TBC1D26: variants seen among roughly 807,000 people sequenced by gnomAD.
TBC1D26 encodes the protein TBC1 domain family, member 26.
A neutral mutation model predicts 42.5 loss-of-function variants in TBC1D26; 19 were observed. That is an observed-to-expected ratio of 0.45 (90% CI 0.31 to 0.66). The LOEUF is 0.66. TBC1D26 is among the 30% of genes least tolerant of loss of function. The pLI is 0.06. For missense variants in TBC1D26, 228 were observed against 332.6 expected (o/e 0.69, Z 2.45); for synonymous variants, 97 against 123.5 (o/e 0.79, Z 1.42).
In TBC1D26 at chr17:15,740,916, A is replaced by G; in HGVS notation, c.547-206A>G. The G allele has an allele frequency of 4.4e-6, 3 of 684,944 alleles. No homozygotes were observed. The South Asian group carries it at 5.7e-5, about 13-fold the overall frequency. 42.4% of individuals were successfully genotyped at this position (684,944 alleles called of 1,614,324 possible). Reference sequence around the variant, plus strand: ...GGACACTTGCTGCAGGAGTCCCCCCATGCTCCTTGTCAACTGAGTTGTGCG... The same window carrying G: ...GGACACTTGCTGCAGGAGTCCCCCCGTGCTCCTTGTCAACTGAGTTGTGCG... On this transcript the variant is annotated intron_variant, in intron 9 of 14. Transcript: ENST00000437605.
Position 15,735,365 on chromosome 17 carries a change from A to T in TBC1D26, c.17A>T (p.Asp6Val), listed in dbSNP as rs1198001027. 1 of 1,613,636 alleles carries T rather than the reference A, an allele frequency of 6.2e-7. No individual in the cohort carries two copies. The highest frequency in any genetic ancestry group is 1.3e-5 in the African/African-American group (1 of 74,840). ...TCTTGCAGGATGGAGATGGATGGGG[A>T]CCCGTATAACCTGCCTGCCCAGGGG... MEMDGDPYNLPAQGQG... is the reference protein window; with the variant it reads MEMDGVPYNLPAQGQG... The change falls in exon 3 of 15, where the codon GAC becomes GTC. Residue 6 changes from aspartate (D) to valine (V), a missense_variant. Transcript: ENST00000437605.
intron 13 of TBC1D26, among the ~76,000 whole-genome samples, 163 bp from the exon 14 acceptor site, chr17:15,743,194 AGCACTTCCCT>A (rs1967839262): frequency 6.6e-6 from 1 of 152,008 alleles, no homozygotes; most frequent in South Asian, 2.1e-4. Flanking sequence ...GAGTGTGGTG[AGCACTTCCCT>A]GCCCTGCCTT....
intron 10 of TBC1D26, 97 bp from the exon 11 acceptor site, chr17:15,741,845 G>A (rs953088133): frequency 1.1e-4 from 132 of 1,197,842 alleles, no homozygotes; most frequent in Non-Finnish European, 1.3e-4. Context: ...GGGAGGCCTC[G>A]GGGTCTGGGG....
chr17:15,735,725 G>C (rs1408563809), intron 4 of TBC1D26, 46 bp downstream of exon 4: 1 of 570,330 alleles, frequency 1.8e-6, no homozygotes, highest in Non-Finnish European at 3.2e-6. Flanking sequence ...CTCACCTCAG[G>C]GATGGGTTTT....
rs114443302 is a variant in TBC1D26 at position 15,738,433 on chromosome 17, G to A, written c.387+46G>A. ...GCTAGGAGTACAAACAAGCTAGACT[G>A]TATCAGGAGCCCAGGACTCCAGCTG... On this transcript the variant is annotated intron_variant, in intron 7 of 14. Coordinates refer to ENST00000437605, the MANE Select transcript of TBC1D26 (RefSeq NM_001388465.1). The A allele has an allele frequency of 1.8e-4, 285 of 1,603,256 alleles. 1 individual carries two copies. The African/African-American group carries it at 3.2e-3, about 18-fold the overall frequency.
intron 9 of TBC1D26, chr17:15,740,432 A>G (rs192354240): frequency 1.4e-5 from 19 of 1,382,978 alleles, no homozygotes; most frequent in Non-Finnish European, 9.3e-7. Flanking sequence ...TCCTTGTAGG[A>G]GACAGGTTTG....
chr17:15,733,426 A>G (rs908275619), intron 1 of TBC1D26, among the ~76,000 whole-genome samples: 8 of 152,144 alleles, frequency 5.3e-5, no homozygotes, highest in African/African-American at 1.9e-4. Context: ...AGTCTAGCTG[A>G]GTTCCCCCTA....
At chr17:15,738,209 G>C (rs1325952110) in intron 6 of TBC1D26, 71 bp from the exon 7 acceptor site, 1 of 1,606,394 alleles carries the variant, frequency 6.2e-7, no homozygotes, top group African/African-American at 1.3e-5. Context: ...AGGACTGCAG[G>C]CCTGTTCGCC....
At chr17:15,737,243 C>T (rs1170350961) in intron 4 of TBC1D26, among the ~76,000 whole-genome samples, 1 of 152,228 alleles carries the variant, frequency 6.6e-6, no homozygotes, top group Non-Finnish European at 1.5e-5. Flanking sequence ...CCCAAGGCAC[C>T]CCACGGGCTT....
At chr17:15,737,679 T>C (rs1360417488) in intron 5 of TBC1D26, 156 bp downstream of exon 5, 5 of 1,126,100 alleles carry the variant, frequency 4.4e-6, no homozygotes, top group Middle Eastern at 3.0e-4. Context: ...TCTGTTCCCA[T>C]GAGGACTTGA....
chr17:15,741,918 G>A (rs763084367), intron 10 of TBC1D26, 24 bp from the exon 11 acceptor site: 3 of 1,612,026 alleles, frequency 1.9e-6, no homozygotes, highest in Middle Eastern at 3.3e-4. Flanking sequence ...GGTCTGATGG[G>A]GTGATGGGTC....
rs1967749958 is a variant in TBC1D26, at chr17:15,740,550, T to A, written c.546+402T>A. On this transcript the variant is annotated intron_variant, in intron 9 of 14. Coordinates refer to ENST00000437605, the MANE Select transcript of TBC1D26 (RefSeq NM_001388465.1). ...ACCTGGCAAGGATCCAATTTCCCCTTTGCCTGAACCCCATAGGAGCATAGC... is the reference window on the plus strand; with the variant it reads ...ACCTGGCAAGGATCCAATTTCCCCTATGCCTGAACCCCATAGGAGCATAGC... 3 of 1,166,644 alleles carry A rather than the reference T, an allele frequency of 2.6e-6. No homozygotes were observed. The Admixed American group carries it at 1.3e-4, about 49-fold the overall frequency. The allele number at this position is 1,166,644 out of a possible 1,614,324, so 72.3% of individuals were successfully genotyped here.
intron 9 of TBC1D26, chr17:15,740,892 G>T: frequency 3.1e-6 from 2 of 653,068 alleles, no homozygotes; most frequent in Non-Finnish European, 5.0e-6. Context: ...TGTGAGCTTG[G>T]ACACTTGCTG....
intron 4 of TBC1D26, among the ~76,000 whole-genome samples, chr17:15,737,165 A>T (rs2151498957): frequency 6.6e-6 from 1 of 151,952 alleles, no homozygotes; most frequent in African/African-American, 2.4e-5. Context: ...CCCATCTCAG[A>T]ACTGGACTTT....
At position 15,740,182 on chromosome 17, in the gene TBC1D26, A is replaced by C. The variant is rs2323801; in HGVS notation, c.546+34A>C. The C allele has an allele frequency of 2.8e-4, 448 of 1,613,802 alleles. 1 individual carries two copies. The highest frequency in any genetic ancestry group is 6.6e-4 in the Middle Eastern group (4 of 6,062). ...TCCCGGGCAGCGATATTCCTGGGACATGTGCCCATATTCACAGGCATGGGT... is the reference window on the plus strand; with the variant it reads ...TCCCGGGCAGCGATATTCCTGGGACCTGTGCCCATATTCACAGGCATGGGT... On this transcript the variant is annotated intron_variant, in intron 9 of 14. Coordinates refer to ENST00000437605, the MANE Select transcript of TBC1D26 (RefSeq NM_001388465.1).
At chr17:15,735,125 C>T (rs1025719532) in intron 2 of TBC1D26, 55 bp downstream of exon 2, 11 of 601,078 alleles carry the variant, frequency 1.8e-5, no homozygotes, top group African/African-American at 1.7e-4. Flanking sequence ...TCCAGGTTCC[C>T]GTGTGCTCAA....
chr17:15,734,259 T>C (rs1363683296), intron 1 of TBC1D26, among the ~76,000 whole-genome samples: 1 of 151,740 alleles, frequency 6.6e-6, no homozygotes, highest in Non-Finnish European at 1.5e-5. Context: ...TGAGGCAGGG[T>C]CTGGTCCTGG....
chr17:15,744,012 G>A (rs1967858756), intron 14 of TBC1D26, among the ~76,000 whole-genome samples: 2 of 151,856 alleles, frequency 1.3e-5, no homozygotes, highest in Non-Finnish European at 2.9e-5. Context: ...AAAAAAGTAG[G>A]GGGCTGAACT....
chr17:15,738,853 G>C lies in TBC1D26; in HGVS notation c.497+23G>C, dbSNP rs576043048. On this transcript the variant is annotated intron_variant, in intron 8 of 14. Coordinates refer to ENST00000437605, the MANE Select transcript of TBC1D26 (RefSeq NM_001388465.1). ...CAAGTAAGGCCAATGGGGCTTGCAG[G>C]GGTCCCAGGGAAGATGGGGCAATCC... The C allele has an allele frequency of 3.0e-5, 49 of 1,609,034 alleles. 1 individual carries two copies. The South Asian group carries it at 4.0e-4, about 13-fold the overall frequency.
Sources: gnomAD v4.1 joint callset for allele counts (sites outside exome capture counted in the v4.1 genomes callset) on GRCh38, gnomAD v4.1.1 for gene constraint, MANE v1.5 for transcripts, NCBI Gene and HGNC (gene_info 2026-07-23, HGNC 2026-07-21) for gene names.